Variants in ARHGEF28 observed in about 807,000 individuals in gnomAD.
ARHGEF28 encodes the protein Rho guanine nucleotide exchange factor 28, also known as 190 kDa guanine nucleotide exchange factor.
Under a neutral mutation model 206.6 loss-of-function variants are expected in ARHGEF28, and 152 were observed. The ratio of observed to expected loss-of-function variants is 0.74; its 90% CI spans 0.64 to 0.84. The LOEUF (loss-of-function observed/expected upper bound fraction) is 0.84. Among genes scored for constraint, ARHGEF28 ranks in the 40% least tolerant of loss-of-function variants. The pLI is 0.00. For synonymous variants in ARHGEF28, 763 were observed against 776.4 expected, an observed-to-expected ratio of 0.98 and a Z score of 0.29; for missense variants, 2,028 against 2,073.2, an observed-to-expected ratio of 0.98 and a Z score of 0.42.
chr5:73,910,580 A>T (rs1762842249), intron 34 of ARHGEF28, among the ~76,000 whole-genome samples: 1 of 152,002 alleles, frequency 6.6e-6, no homozygotes, highest in Non-Finnish European at 1.5e-5. Context: ...CTCTCTTTAT[A>T]TGATCTGTCT....
chr5:73,699,734 T>G (rs1748478799), intron 2 of ARHGEF28, among the ~76,000 whole-genome samples: 1 of 152,192 alleles, frequency 6.6e-6, no homozygotes, highest in Non-Finnish European at 1.5e-5. Context: ...AGTGACTGTG[T>G]AGGAAGAGGA....
At chr5:73,725,636 A>G (rs576175764) in intron 2 of ARHGEF28, among the ~76,000 whole-genome samples, 15 of 152,298 alleles carry the variant, frequency 9.8e-5, no homozygotes, top group Admixed American at 9.8e-4. Context: ...TTAATGCTGC[A>G]TTAGTGGTTC....
chr5:73,923,238 A>G, intron 35 of ARHGEF28: 1 of 1,381,432 alleles, frequency 7.2e-7, no homozygotes, highest in Non-Finnish European at 9.7e-7. Context: ...TTGGTTTTTA[A>G]AATGTTTTGG....
chr5:73,695,557 A>G (rs1385220894), intron 2 of ARHGEF28, among the ~76,000 whole-genome samples: 1 of 152,078 alleles, frequency 6.6e-6, no homozygotes, highest in Non-Finnish European at 1.5e-5. Flanking sequence ...AAGTTTTCCA[A>G]GTTTTCCTCT....
At chr5:73,769,293 C>T (rs1753084705) in intron 4 of ARHGEF28, among the ~76,000 whole-genome samples, 1 of 151,962 alleles carries the variant, frequency 6.6e-6, no homozygotes, top group Admixed American at 6.6e-5. Flanking sequence ...GTGCAAATAC[C>T]CCTCCTCCTT....
At chr5:73,751,256 A>G (rs1171592218) in intron 3 of ARHGEF28, among the ~76,000 whole-genome samples, 2 of 152,198 alleles carry the variant, frequency 1.3e-5, no homozygotes, top group African/African-American at 2.4e-5. Context: ...TTACAAATAT[A>G]AAAATTAGCT....
chr5:73,894,560 G>A lies in ARHGEF28; in HGVS notation c.3826G>A (p.Ala1276Thr). Residue 1276 changes from alanine to threonine, a missense_variant, in exon 29 of 36, where the codon GCA becomes ACA. By Grantham distance (58) the Ala-to-Thr change is moderately conservative. Transcript: ENST00000513042. ...TCCCCAGGCAGCCTCATTACTGGCA[G>A]CAGCACTGAAAGAAGGTAAACTGCT... ...EPPQAASLLAAALKEAESLQV... is the reference protein window; with the variant it reads ...EPPQAASLLATALKEAESLQV... 6.2e-7 allele frequency: 1 copy of A among 1,613,550 alleles called. No individual in the cohort carries two copies. The highest frequency in any genetic ancestry group is 8.5e-7 in the Non-Finnish European group (1 of 1,179,780).
intron 9 of ARHGEF28, among the ~76,000 whole-genome samples, chr5:73,829,371 T>C (rs1757143885): frequency 6.6e-6 from 1 of 152,186 alleles, no homozygotes; most frequent in Admixed American, 6.5e-5. Flanking sequence ...ATGATTTCAG[T>C]ACATATAATT....
rs1331378222 is a variant in ARHGEF28, at chr5:73,893,210, A to C, written c.3580A>C (p.Lys1194Gln). ...TGTCTTTTAAAGTTGTCCTGAAGAA[A>C]AAGGGGGAAGGACAAGTGAATCTGA... ...QQAVESCPEE[K>Q]GGRTSESDED... The change falls in exon 28 of 36, where the codon AAA becomes CAA. Residue 1194 changes from lysine to glutamine, a missense_variant. Coordinates refer to ENST00000513042, the MANE Select transcript of ARHGEF28 (RefSeq NM_001177693.2). 3 of 1,551,568 alleles carry C rather than the reference A, an allele frequency of 1.9e-6. No homozygotes were observed. The highest frequency in any genetic ancestry group is 2.6e-6 in the Non-Finnish European group (3 of 1,148,006).
At chr5:73,656,663 A>C (rs990267210) in intron 1 of ARHGEF28, among the ~76,000 whole-genome samples, 4 of 152,188 alleles carry the variant, frequency 2.6e-5, no homozygotes, top group Non-Finnish European at 5.9e-5. Context: ...GACTATTGTC[A>C]GAATGATCCT....
At chr5:73,828,075 A>C (rs1757021832) in intron 9 of ARHGEF28, 1 of 152,078 alleles carries the variant, frequency 6.6e-6, no homozygotes, top group Non-Finnish European at 1.5e-5. Context: ...GTAACACTTA[A>C]AAAAATGAAA....
chr5:73,658,894 T>C (rs1745399841), intron 1 of ARHGEF28, among the ~76,000 whole-genome samples: 1 of 151,712 alleles, frequency 6.6e-6, no homozygotes. Flanking sequence ...TGAAATGAGT[T>C]TTTCTTCACA....
intron 16 of ARHGEF28, among the ~76,000 whole-genome samples, chr5:73,860,631 T>G (rs961703356): frequency 8.5e-5 from 13 of 152,186 alleles, no homozygotes; most frequent in Non-Finnish European, 1.9e-4. Context: ...CATCACCGCC[T>G]TCTAGAATAC....
At chr5:73,844,881 A>G (rs1758221387) in intron 11 of ARHGEF28, among the ~76,000 whole-genome samples, 1 of 151,480 alleles carries the variant, frequency 6.6e-6, no homozygotes, top group Admixed American at 6.6e-5. Flanking sequence ...AATGTTATGG[A>G]ATAGACCTGG....
At chr5:73,749,791 C>T in intron 2 of ARHGEF28, 46 bp from the exon 3 acceptor site, 1 of 1,605,058 alleles carries the variant, frequency 6.2e-7, no homozygotes, top group East Asian at 2.2e-5. Context: ...TTTCTTAGAG[C>T]CAGGACAAGG....
In ARHGEF28 at chr5:73,851,406, C is replaced by CTT. The variant is rs77725087; in HGVS notation, c.1748-1231_1748-1230dup. 1.7e-3 allele frequency among the ~76,000 whole-genome samples: 233 copies of CTT among 139,368 alleles called. 2 individuals carry two copies. Among genetic ancestry groups the CTT allele is most frequent in the African/African-American group, 5.7e-3 (222 of 38,612 alleles). 91.4% of individuals were successfully genotyped at this position (139,368 alleles called of 152,430 possible). ...TTACTTACTGTAATTTCTCATGCGTCTTTTTTTTTTTTTTGAGCCAAGAGT... is the reference window on the plus strand; with the variant it reads ...TTACTTACTGTAATTTCTCATGCGTCTTTTTTTTTTTTTTTTGAGCCAAGAGT... On this transcript the variant is annotated intron_variant, in intron 13 of 35. Transcript: ENST00000513042.
intron 1 of ARHGEF28, among the ~76,000 whole-genome samples, chr5:73,635,273 G>A (rs1743627639): frequency 6.6e-6 from 1 of 152,208 alleles, no homozygotes; most frequent in Non-Finnish European, 1.5e-5. Context: ...AACCCAGGGG[G>A]CGGAGGTAGC....
chr5:73,683,357 G>C (rs888054615), intron 1 of ARHGEF28, among the ~76,000 whole-genome samples: 2 of 152,016 alleles, frequency 1.3e-5, no homozygotes, highest in Non-Finnish European at 2.9e-5. Context: ...AAAGTCCTCT[G>C]TGTCCCACCC....
chr5:73,821,619 C>T (rs1325497763), intron 9 of ARHGEF28, among the ~76,000 whole-genome samples: 1 of 152,094 alleles, frequency 6.6e-6, no homozygotes, highest in Non-Finnish European at 1.5e-5. Flanking sequence ...GTGGTCTTGT[C>T]AGAGTCCGCC....
Sources: allele counts gnomAD v4.1 joint callset (sites outside exome capture counted in the v4.1 genomes callset), GRCh38; gene constraint gnomAD v4.1.1; transcripts MANE v1.5; gene names NCBI Gene and HGNC (gene_info 2026-07-23, HGNC 2026-07-21).